The following UNC5D variants were observed in gnomAD, a reference collection of about 807,000 sequenced individuals.
UNC5D encodes netrin receptor UNC5D.
Under a neutral mutation model 105.4 loss-of-function variants are expected in UNC5D, and 39 were observed. That is an observed-to-expected ratio of 0.37 (90% CI 0.29 to 0.48). The LOEUF (loss-of-function observed/expected upper bound fraction) is 0.48, where lower values mean the gene tolerates loss of function less well. UNC5D is among the 20% of genes least tolerant of loss of function. The pLI is 0.98. For missense variants in UNC5D, 991 were observed against 1,202.4 expected, an observed-to-expected ratio of 0.82 and a Z score of 2.60; for synonymous variants, 452 against 450.4, an observed-to-expected ratio of 1.00 and a Z score of -0.04.
chr8:35,442,412 AC>A (rs915356083), intron 1 of UNC5D, among the ~76,000 whole-genome samples: 3 of 151,910 alleles, frequency 2.0e-5, no homozygotes, highest in African/African-American at 7.2e-5. Context: ...TGTGACAAAC[AC>A]AAGAGTTACT....
chr8:35,749,269 A>C (rs1226563929), intron 12 of UNC5D, among the ~76,000 whole-genome samples: 1 of 152,196 alleles, frequency 6.6e-6, no homozygotes, highest in African/African-American at 2.4e-5. Context: ...GAGAATGAGG[A>C]TACATAATAA....
chr8:35,260,663 C>T (rs1202954544), intron 1 of UNC5D, among the ~76,000 whole-genome samples: 3 of 152,086 alleles, frequency 2.0e-5, no homozygotes, highest in Non-Finnish European at 4.4e-5. Context: ...GGGGTTTCAC[C>T]GTGTTGCCCA....
chr8:35,567,417 C>T (rs184453542), intron 2 of UNC5D, among the ~76,000 whole-genome samples: 162 of 152,156 alleles, frequency 1.1e-3, no homozygotes, highest in African/African-American at 7.0e-4. Context: ...CATTTGGGGA[C>T]GCCAAGATGG....
At chr8:35,520,752 A>G (rs1399764072) in intron 1 of UNC5D, among the ~76,000 whole-genome samples, 1 of 152,154 alleles carries the variant, frequency 6.6e-6, no homozygotes, top group African/African-American at 2.4e-5. Context: ...AATCCAACCC[A>G]AAGTGGTGGT....
chr8:35,564,390 T>C (rs1817181598), intron 2 of UNC5D, among the ~76,000 whole-genome samples: 1 of 152,176 alleles, frequency 6.6e-6, no homozygotes, highest in Non-Finnish European at 1.5e-5. Context: ...CTCTGGAATA[T>C]TGAAGTCGCT....
chr8:35,742,133 T>C (rs559018019), intron 11 of UNC5D, among the ~76,000 whole-genome samples: 102 of 152,188 alleles, frequency 6.7e-4, no homozygotes, highest in Non-Finnish European at 1.2e-3. Context: ...TGGGGTTGGC[T>C]GATGGGAAAA....
At chr8:35,729,402 A>C (rs1829068283) in intron 10 of UNC5D, among the ~76,000 whole-genome samples, 1 of 152,174 alleles carries the variant, frequency 6.6e-6, no homozygotes, top group Non-Finnish European at 1.5e-5. Context: ...TTCCTGCTAC[A>C]CGAGTGGCAT....
chr8:35,495,041 C>CAGGATTCCAGTGAGGGTCAGGATCT (rs1811457687), intron 1 of UNC5D, among the ~76,000 whole-genome samples: 1 of 151,902 alleles, frequency 6.6e-6, no homozygotes, highest in Non-Finnish European at 1.5e-5. Context: ...CCCAGGGGAC[C>CAGGATTCCAGTGAGGGTCAGGATCT]GATCCAGTGA....
At chr8:35,710,118 G>A (rs1350957701) in intron 8 of UNC5D, among the ~76,000 whole-genome samples, 1 of 152,010 alleles carries the variant, frequency 6.6e-6, no homozygotes, top group African/African-American at 2.4e-5. Flanking sequence ...CAGGGCAGAA[G>A]CAAGGAGATC....
intron 4 of UNC5D, among the ~76,000 whole-genome samples, chr8:35,645,519 T>C (rs1416150801): frequency 7.2e-6 from 1 of 139,746 alleles, no homozygotes; most frequent in African/African-American, 3.3e-5. Context: ...CGTATATATG[T>C]GTGTGTGCTG....
At chr8:35,485,420 A>G (rs561012657) in intron 1 of UNC5D, among the ~76,000 whole-genome samples, 3 of 152,318 alleles carry the variant, frequency 2.0e-5, no homozygotes, top group African/African-American at 7.2e-5. Flanking sequence ...ATCCTGGCTT[A>G]TATCCTTAGT....
intron 4 of UNC5D, among the ~76,000 whole-genome samples, chr8:35,623,546 C>G (rs776653854): frequency 6.6e-6 from 1 of 152,076 alleles, no homozygotes; most frequent in Non-Finnish European, 1.5e-5. Flanking sequence ...TGCATGGCCT[C>G]TCTCCCTCGG....
At chr8:35,400,744 A>G (rs569437758) in intron 1 of UNC5D, among the ~76,000 whole-genome samples, 33 of 152,246 alleles carry the variant, frequency 2.2e-4, no homozygotes, top group South Asian at 4.1e-4. Flanking sequence ...ACCACATTCA[A>G]AATTGGCCGA....
chr8:35,597,544 A>G (rs1819565320), intron 4 of UNC5D, among the ~76,000 whole-genome samples: 2 of 152,308 alleles, frequency 1.3e-5, no homozygotes, highest in South Asian at 2.1e-4. Context: ...TAGGCTCTGT[A>G]GTGCCAGCTG....
intron 7 of UNC5D, among the ~76,000 whole-genome samples, chr8:35,697,556 CTCA>C (rs1826875730): frequency 6.6e-6 from 1 of 152,012 alleles, no homozygotes; most frequent in African/African-American, 2.4e-5. Context: ...CTCCAAACTC[CTCA>C]TCAAGTAGCC....
At chr8:35,368,276 G>T (rs1161673776) in intron 1 of UNC5D, among the ~76,000 whole-genome samples, 2 of 152,106 alleles carry the variant, frequency 1.3e-5, no homozygotes, top group Non-Finnish European at 2.9e-5. Context: ...TCCTCATCCA[G>T]GTTCACCAAT....
chr8:35,682,473 C>T (rs1335811499), intron 4 of UNC5D, among the ~76,000 whole-genome samples: 4 of 151,986 alleles, frequency 2.6e-5, no homozygotes, highest in Admixed American at 6.6e-5. Context: ...TTTATGTGTC[C>T]GTTAAATTAC....
chr8:35,491,161 G>A (rs891708763), intron 1 of UNC5D, among the ~76,000 whole-genome samples: 3 of 152,082 alleles, frequency 2.0e-5, no homozygotes, highest in Non-Finnish European at 4.4e-5. Context: ...TGGGGCTGCT[G>A]AGTGAATTGT....
chr8:35,272,689 C>T (rs1004710138), intron 1 of UNC5D, among the ~76,000 whole-genome samples: 1 of 152,200 alleles, frequency 6.6e-6, no homozygotes, highest in Non-Finnish European at 1.5e-5. Flanking sequence ...CTCAGGGGTG[C>T]TGTAGGACTC....
Sources: gnomAD v4.1 joint callset for allele counts (sites outside exome capture counted in the v4.1 genomes callset) on GRCh38, gnomAD v4.1.1 for gene constraint, MANE v1.5 for transcripts, NCBI Gene and HGNC (gene_info 2026-07-23, HGNC 2026-07-21) for gene names.